The following ADAMTSL3 variants were observed in gnomAD, a reference collection of about 807,000 sequenced individuals.
The protein encoded by ADAMTSL3 is ADAMTS-like protein 3.
In ADAMTSL3, 128 loss-of-function variants were observed where a neutral mutation model predicts 201.7. The observed-to-expected ratio is 0.63, with a 90% CI of 0.55 to 0.73. The LOEUF is 0.73. Ranked by LOEUF, ADAMTSL3 falls within the 30% of genes least tolerant of loss-of-function variation. The pLI is 0.00. For missense variants in ADAMTSL3, 1,990 were observed against 2,119.6 expected (o/e 0.94, Z 1.20); for synonymous variants, 738 against 748.4 (o/e 0.99, Z 0.23).
At chr15:84,021,321 C>T (rs2068201170) in intron 25 of ADAMTSL3, 89 bp from the exon 26 acceptor site, 3 of 1,446,462 alleles carry the variant, frequency 2.1e-6, no homozygotes, top group South Asian at 2.5e-5. Flanking sequence ...AACCAAAAAA[C>T]ATCTCATGGT....
chr15:83,714,941 CCTT>C (rs1288197292), intron 3 of ADAMTSL3, among the ~76,000 whole-genome samples: 1 of 109,816 alleles, frequency 9.1e-6, no homozygotes, highest in Admixed American at 1.1e-4. Flanking sequence ...TTCCTTCCAT[CCTT>C]CTTTCCTTTC....
intron 3 of ADAMTSL3, chr15:83,739,652 A>T (rs2062423550): frequency 5.2e-6 from 1 of 194,172 alleles, no homozygotes; most frequent in African/African-American, 2.3e-5. Context: ...GATAAGGGAT[A>T]CTCAACCTGT....
chr15:83,896,605 G>C (rs1005647576), intron 13 of ADAMTSL3, among the ~76,000 whole-genome samples: 1 of 152,024 alleles, frequency 6.6e-6, no homozygotes, highest in Admixed American at 6.6e-5. Context: ...AAAATCATAG[G>C]GGGAAAAAGG....
chr15:83,932,218 T>G (rs2066371371), intron 17 of ADAMTSL3, among the ~76,000 whole-genome samples: 1 of 152,246 alleles, frequency 6.6e-6, no homozygotes, highest in South Asian at 2.1e-4. Context: ...TACATCAGTT[T>G]CTAACCACAT....
intron 3 of ADAMTSL3, among the ~76,000 whole-genome samples, chr15:83,765,289 ATG>A (rs1342158813): frequency 6.6e-6 from 1 of 152,236 alleles, no homozygotes; most frequent in Non-Finnish European, 1.5e-5. Context: ...ACCTGAAAGA[ATG>A]TATTTACTGT....
At chr15:83,878,605 C>T (rs1229176101) in intron 9 of ADAMTSL3, among the ~76,000 whole-genome samples, 2 of 105,714 alleles carry the variant, frequency 1.9e-5, no homozygotes, top group African/African-American at 8.8e-5. Flanking sequence ...CAGAGTGAGA[C>T]GCCATTTCAA....
At chr15:83,905,654 G>C (rs1220818112) in intron 15 of ADAMTSL3, among the ~76,000 whole-genome samples, 1 of 152,178 alleles carries the variant, frequency 6.6e-6, no homozygotes, top group African/African-American at 2.4e-5. Context: ...TCCCTCTGGT[G>C]GTCTGCAGTT....
chr15:83,948,411 T>TACACACACACACAC lies in ADAMTSL3; in HGVS notation c.2490+5351_2490+5364dup, dbSNP rs72124987. On this transcript the variant is annotated intron_variant, in intron 19 of 29. Transcript: ENST00000286744. Reference sequence around the variant, plus strand: ...GCACACAAGTGCACAAAAGCTTATTTACACACACACACACACACACACACA... The same window carrying TACACACACACACAC: ...GCACACAAGTGCACAAAAGCTTATTTACACACACACACACACACACACACACACACACACACACA... Among the ~76,000 whole-genome samples, 1,030 of 145,720 alleles carry TACACACACACACAC rather than the reference T, an allele frequency of 7.1e-3. 6 individuals carry two copies. The highest frequency in any genetic ancestry group is 0.021 in the Middle Eastern group (6 of 288).
chr15:83,728,283 CATT>C (rs1267678479), intron 3 of ADAMTSL3, among the ~76,000 whole-genome samples: 2 of 151,318 alleles, frequency 1.3e-5, no homozygotes, highest in Admixed American at 6.6e-5. Context: ...GGCAACACAT[CATT>C]GAGTCTTTTT....
intron 4 of ADAMTSL3, among the ~76,000 whole-genome samples, chr15:83,803,482 G>A (rs1325264417): frequency 2.0e-5 from 3 of 152,090 alleles, no homozygotes; most frequent in Non-Finnish European, 4.4e-5. Context: ...TTAAGCCTGT[G>A]TTTAGCTTTC....
At chr15:83,715,157 C>G (rs2061999659) in intron 3 of ADAMTSL3, among the ~76,000 whole-genome samples, 1 of 152,072 alleles carries the variant, frequency 6.6e-6, no homozygotes, top group Non-Finnish European at 1.5e-5. Flanking sequence ...TGAACTGTTT[C>G]AAGAAAACAC....
Position 83,731,711 on chromosome 15 carries a change from T to TAA in ADAMTSL3, c.189+27204_189+27205dup, listed in dbSNP as rs386383628. 1.4e-3 allele frequency among the ~76,000 whole-genome samples: 207 copies of TAA among 152,100 alleles called. 1 individual carries two copies. The highest frequency in any genetic ancestry group is 4.7e-3 in the African/African-American group (197 of 41,550). On this transcript the variant is annotated intron_variant, in intron 3 of 29. Transcript: ENST00000286744. ...AAAATGTGATGTACATACATATATA[T>TAA]AACTATATTATTCTTTATGAATTAT... is the stretch of plus-strand genomic sequence containing the variant.
At chr15:83,661,274 TG>T (rs1364465711) in intron 2 of ADAMTSL3, among the ~76,000 whole-genome samples, 3 of 151,894 alleles carry the variant, frequency 2.0e-5, no homozygotes, top group Admixed American at 1.3e-4. Flanking sequence ...GGCTCTTTTT[TG>T]GTTCCATATG....
At chr15:83,706,039 A>G (rs1192734157) in intron 3 of ADAMTSL3, among the ~76,000 whole-genome samples, 1 of 152,222 alleles carries the variant, frequency 6.6e-6, no homozygotes, top group Admixed American at 6.5e-5. Flanking sequence ...AACATCATTA[A>G]GTCACTTTCT....
intron 4 of ADAMTSL3, among the ~76,000 whole-genome samples, chr15:83,781,419 T>C (rs894883482): frequency 2.6e-5 from 4 of 152,194 alleles, no homozygotes; most frequent in African/African-American, 7.2e-5. Context: ...ATGCAGAAGA[T>C]TGAAACTGGA....
rs761853753 is a variant in ADAMTSL3 at position 83,991,164 on chromosome 15, T to A, written c.3923T>A (p.Ile1308Asn). ...HNHLSVVVGG[I>N]VEAALGANVT... ...CATCTGTCTGTTGTGGTTGGAGGCA[T>A]CGTGGAGGCAGCCCTTGGAGCAAAC... is the stretch of plus-strand genomic sequence containing the variant. Residue 1308 changes from isoleucine (I) to asparagine (N), a missense_variant, in exon 23 of 30, where the codon ATC becomes AAC. Ile to Asn is a moderately radical substitution (Grantham distance 149). Transcript: ENST00000286744. The A allele has an allele frequency of 6.2e-7, 1 of 1,614,198 alleles. No individual in the cohort carries two copies. The highest frequency in any genetic ancestry group is 1.1e-5 in the South Asian group (1 of 91,082).
intron 9 of ADAMTSL3, among the ~76,000 whole-genome samples, chr15:83,877,786 CTA>C (rs2065203798): frequency 6.6e-6 from 1 of 152,038 alleles, no homozygotes; most frequent in Non-Finnish European, 1.5e-5. Flanking sequence ...AATTTTTACT[CTA>C]TGTCATTAAT....
intron 19 of ADAMTSL3, among the ~76,000 whole-genome samples, chr15:83,965,646 T>C (rs1041758273): frequency 2.6e-5 from 4 of 152,176 alleles, no homozygotes; most frequent in African/African-American, 9.7e-5. Context: ...TTAACAAGGA[T>C]ATTCAGGACT....
chr15:83,823,329 G>T (rs1447057948), intron 6 of ADAMTSL3, among the ~76,000 whole-genome samples: 2 of 152,190 alleles, frequency 1.3e-5, no homozygotes, highest in Non-Finnish European at 2.9e-5. Flanking sequence ...AACAACAGCA[G>T]ATGAGCAACC....
Sources: allele counts gnomAD v4.1 joint callset (sites outside exome capture counted in the v4.1 genomes callset), GRCh38; gene constraint gnomAD v4.1.1; transcripts MANE v1.5; gene names NCBI Gene and HGNC (gene_info 2026-07-23, HGNC 2026-07-21).